The following BACE2 variants were observed in gnomAD, a reference collection of about 807,000 sequenced individuals.
BACE2 encodes the protein beta-secretase 2, also known as 56 kDa aspartic-like protease.
A neutral mutation model predicts 46.2 loss-of-function variants in BACE2; 17 were observed. The ratio of observed to expected loss-of-function variants is 0.37; its 90% CI spans 0.25 to 0.55. The LOEUF (loss-of-function observed/expected upper bound fraction) is 0.55, where lower values mean the gene tolerates loss of function less well. Ranked by LOEUF, BACE2 falls within the 20% of genes least tolerant of loss-of-function variation. The pLI is 0.82. For missense variants in BACE2, 595 were observed against 698.1 expected, an observed-to-expected ratio of 0.85 and a Z score of 1.66; for synonymous variants, 277 against 295.9, an observed-to-expected ratio of 0.94 and a Z score of 0.66.
At chr21:41,264,600 G>C (rs1028523511) in intron 8 of BACE2, among the ~76,000 whole-genome samples, 1 of 152,124 alleles carries the variant, frequency 6.6e-6, no homozygotes, top group African/African-American at 2.4e-5. Flanking sequence ...GAGAGAGAGA[G>C]AGAGGGGAAG....
intron 1 of BACE2, among the ~76,000 whole-genome samples, chr21:41,197,323 G>T (rs1462509901): frequency 4.1e-5 from 6 of 146,398 alleles, no homozygotes; most frequent in Non-Finnish European, 9.0e-5. Flanking sequence ...TGAGTTACAT[G>T]ATTTTATTTC....
At chr21:41,174,077 T>G (rs1037731989) in intron 1 of BACE2, among the ~76,000 whole-genome samples, 1 of 150,876 alleles carries the variant, frequency 6.6e-6, no homozygotes, top group Non-Finnish European at 1.5e-5. Context: ...TGCCTGCCCA[T>G]TTTTCCTTTT....
At chr21:41,240,647 C>T (rs774528223) in intron 3 of BACE2, among the ~76,000 whole-genome samples, 1 of 152,196 alleles carries the variant, frequency 6.6e-6, no homozygotes, top group Non-Finnish European at 1.5e-5. Flanking sequence ...CAGCTGGGGG[C>T]ACCCCCAGGC....
intron 7 of BACE2, among the ~76,000 whole-genome samples, chr21:41,251,363 AT>A (rs1469784507): frequency 9.2e-5 from 14 of 152,186 alleles, no homozygotes; most frequent in African/African-American, 3.4e-4. Flanking sequence ...GATTCCGAGG[AT>A]GAGGGAAAAG....
chr21:41,275,603 G>C lies in BACE2; in HGVS notation c.1536G>C (p.Leu512=). Residue 512 remains leucine, a synonymous_variant, in exon 9 of 9, where the codon CTG becomes CTC. Transcript: ENST00000330333. ...DPEVVNDESS[L]VRHRWK ...AGGTCGTCAATGATGAGTCCTCTCT[G>C]GTCAGACATCGCTGGAAATGAATAG... 6.2e-7 allele frequency: 1 copy of C among 1,613,876 alleles called. No individual in the cohort carries two copies. The highest frequency in any genetic ancestry group is 1.1e-5 in the South Asian group (1 of 91,058).
At chr21:41,224,209 A>T (rs145198399) in intron 1 of BACE2, among the ~76,000 whole-genome samples, 61 of 98,852 alleles carry the variant, frequency 6.2e-4, no homozygotes, top group Middle Eastern at 6.9e-3. Context: ...GCCTATTTTG[A>T]TTTTTTTTTT....
At chr21:41,238,088 G>A (rs1040336200) in intron 3 of BACE2, among the ~76,000 whole-genome samples, 5 of 152,256 alleles carry the variant, frequency 3.3e-5, no homozygotes, top group Admixed American at 1.3e-4. Context: ...ATACGTTTGC[G>A]TGAAGATGGA....
chr21:41,205,423 T>C (rs1455899817), intron 1 of BACE2, among the ~76,000 whole-genome samples: 2 of 152,260 alleles, frequency 1.3e-5, no homozygotes, highest in South Asian at 2.1e-4. Flanking sequence ...ATTCTAGATA[T>C]GAAGATTCAT....
At chr21:41,253,073 A>G (rs1043256221) in intron 7 of BACE2, among the ~76,000 whole-genome samples, 5 of 152,256 alleles carry the variant, frequency 3.3e-5, no homozygotes. Flanking sequence ...AGAATGCAGT[A>G]TCCTTGGATG....
At chr21:41,225,805 G>A (rs150281516) in intron 1 of BACE2, 1,632 of 158,274 alleles carry the variant, frequency 0.01, 25 homozygotes, top group African/African-American at 0.036. Context: ...GAGGTGAGGG[G>A]CCACCACATG....
chr21:41,246,137 T>G, intron 6 of BACE2, 74 bp downstream of exon 6: 1 of 1,171,946 alleles, frequency 8.5e-7, no homozygotes, highest in Non-Finnish European at 1.2e-6. Flanking sequence ...GCACTGCGTG[T>G]TCTGAGCATC....
chr21:41,272,734 T>C (rs75986590), intron 8 of BACE2, among the ~76,000 whole-genome samples: 10 of 152,326 alleles, frequency 6.6e-5, no homozygotes, highest in Non-Finnish European at 1.3e-4. Context: ...CTTGATATCC[T>C]GCCTGCTAAT....
chr21:41,237,803 A>ATTTT, intron 3 of BACE2, 74 bp downstream of exon 3: 2 of 1,268,344 alleles, frequency 1.6e-6, no homozygotes, highest in Non-Finnish European at 2.3e-6. Context: ...TAAAGGGCTG[A>ATTTT]CACATGAGTC....
chr21:41,263,343 A>C (rs1987986575), intron 8 of BACE2, among the ~76,000 whole-genome samples: 1 of 152,224 alleles, frequency 6.6e-6, no homozygotes, highest in African/African-American at 2.4e-5. Context: ...GGTTCATAAC[A>C]GCTTTACACA....
At chr21:41,256,031 A>G (rs1460832551) in intron 7 of BACE2, among the ~76,000 whole-genome samples, 2 of 152,064 alleles carry the variant, frequency 1.3e-5, no homozygotes, top group East Asian at 3.8e-4. Flanking sequence ...TTCCAGATCT[A>G]GAAGATAATC....
At chr21:41,213,660 G>A (rs1986367535) in intron 1 of BACE2, among the ~76,000 whole-genome samples, 1 of 152,030 alleles carries the variant, frequency 6.6e-6, no homozygotes, top group African/African-American at 2.4e-5. Context: ...TGTAGTCCCA[G>A]CTACTCAGAA....
chr21:41,169,474 T>C (rs1489724741), intron 1 of BACE2, among the ~76,000 whole-genome samples: 1 of 151,510 alleles, frequency 6.6e-6, no homozygotes, highest in Non-Finnish European at 1.5e-5. Context: ...AAAATCCCAA[T>C]TGATCTGCCC....
At chr21:41,210,051 G>A (rs2123544502) in intron 1 of BACE2, among the ~76,000 whole-genome samples, 1 of 152,140 alleles carries the variant, frequency 6.6e-6, no homozygotes, top group African/African-American at 2.4e-5. Context: ...TGCAGAGGTA[G>A]TGACAGCTCC....
chr21:41,235,854 AAATG>A lies in BACE2; in HGVS notation c.402-1636_402-1633del, dbSNP rs150387265. 7.2e-4 allele frequency among the ~76,000 whole-genome samples: 109 copies of A among 151,664 alleles called. 1 individual carries two copies. The highest frequency in any genetic ancestry group is 2.0e-3 in the African/African-American group (82 of 41,154). ...AGACCTTTTCTTTAAAAGAAATAAT[AAATG>A]AATGAATGAATGAATGAATGAACAA... On this transcript the variant is annotated intron_variant, in intron 2 of 8. Transcript: ENST00000330333.
Sources: gnomAD v4.1 joint callset for allele counts (sites outside exome capture counted in the v4.1 genomes callset) on GRCh38, gnomAD v4.1.1 for gene constraint, MANE v1.5 for transcripts, NCBI Gene and HGNC (gene_info 2026-07-23, HGNC 2026-07-21) for gene names.